Variants in CD101 observed in about 807,000 individuals in gnomAD.
CD101 encodes CD101 molecule.
Under a neutral mutation model 98.2 loss-of-function variants are expected in CD101, and 76 were observed. The observed-to-expected ratio is 0.77, with a 90% CI of 0.64 to 0.94. CD101 has a LOEUF of 0.94. Ranked by LOEUF, CD101 falls within the 40% of genes least tolerant of loss-of-function variation. The probability of loss-of-function intolerance (pLI) is 0.00; values close to 1 mark genes in which losing one functional copy is unlikely to be tolerated. For synonymous variants in CD101, 471 were observed against 472.7 expected (o/e 1.00, Z 0.05); for missense variants, 1,145 against 1,218.8 (o/e 0.94, Z 0.90).
chr1:117,026,056 GTC>G, intron 8 of CD101, 152 bp downstream of exon 8: 1 of 769,338 alleles, frequency 1.3e-6, no homozygotes, highest in Non-Finnish European at 2.0e-6. Context: ...TGACTTTGCT[GTC>G]TCTCTCAATA....
At position 117,004,838 on chromosome 1, in the gene CD101, C is replaced by T. The variant is rs966179925; in HGVS notation, c.43+2978C>T. ...AAGTAGTATGTCTTAGACTGTTTGG[C>T]GTGTTGTAGCAAAAGTACCATAAAC... On this transcript the variant is annotated intron_variant, in intron 1 of 9. Coordinates refer to ENST00000682167, the MANE Select transcript of CD101 (RefSeq NM_001256106.3). The surrounding 1 kb of genome is among the most constrained non-coding windows in gnomAD (Gnocchi z 4.1). Among the ~76,000 whole-genome samples, 3 of 130,172 alleles carry T rather than the reference C, an allele frequency of 2.3e-5. No individual in the cohort carries two copies. The highest frequency in any genetic ancestry group is 4.7e-5 in the Non-Finnish European group (3 of 63,552). The allele number at this position is 130,172 out of a possible 152,430, so 85.4% of individuals were successfully genotyped here. A position where few individuals can be genotyped will look rare whatever the true frequency, so the allele number is the denominator to read the frequency against.
intron 8 of CD101, among the ~76,000 whole-genome samples, chr1:117,031,396 A>C (rs921671128): frequency 1.3e-5 from 2 of 152,164 alleles, no homozygotes; most frequent in African/African-American, 4.8e-5. Flanking sequence ...GGTGCTGTGG[A>C]CTCTAACCTC....
chr1:117,008,026 G>GC (rs1471689054), intron 1 of CD101, among the ~76,000 whole-genome samples: 1 of 152,102 alleles, frequency 6.6e-6, no homozygotes, highest in Non-Finnish European at 1.5e-5. Context: ...GTCTTAAACT[G>GC]CCACTGTAGT....
rs140567712 is a variant in CD101 at position 117,010,015 on chromosome 1, T to A, written c.209T>A (p.Val70Asp). 1.1e-5 allele frequency: 18 copies of A among 1,614,190 alleles called. No homozygotes were observed. In the African/African-American group the frequency reaches 2.4e-4, roughly 22 times the overall value. The change falls in exon 2 of 10, where the codon GTC (valine) becomes GAC (aspartate). Residue 70 changes from valine to aspartate, a missense_variant. Coordinates refer to ENST00000682167, the MANE Select transcript of CD101 (RefSeq NM_001256106.3). The surrounding 1 kb of genome is among the most constrained non-coding windows in gnomAD (Gnocchi z 5.2). ...CTGCCGACAAACCCGACCCAGGAAG[T>A]CCAGATCATTAGCACCAAGGATGCT... ...VYLPTNPTQEVQIISTKDAAF... is the reference protein window; with the variant it reads ...VYLPTNPTQEDQIISTKDAAF...
intron 1 of CD101, among the ~76,000 whole-genome samples, chr1:117,007,041 G>C (rs1421115827): frequency 6.6e-6 from 1 of 152,110 alleles, no homozygotes; most frequent in East Asian, 1.9e-4. Flanking sequence ...ATTGTTTGTA[G>C]AAACATGCCT....
At chr1:117,034,626 A>G (rs563094935) in intron 9 of CD101, among the ~76,000 whole-genome samples, 1 of 152,292 alleles carries the variant, frequency 6.6e-6, no homozygotes, top group African/African-American at 2.4e-5. Context: ...CAGAAATTCA[A>G]TTTTCTTCTC....
rs1653654870 is a variant in CD101 at position 117,022,605 on chromosome 1, A to T, written c.2428+622A>T. ...TCTCAGCATAGGTTAGGTCACTTCC[A>T]GTGTTGATTAAAATTAAATGAATGT... On this transcript the variant is annotated intron_variant, in intron 7 of 9. Coordinates refer to ENST00000682167, the MANE Select transcript of CD101 (RefSeq NM_001256106.3). The surrounding 1 kb of genome is among the most constrained non-coding windows in gnomAD (Gnocchi z 4.8). Among the ~76,000 whole-genome samples the T allele has an allele frequency of 6.6e-6, 1 of 152,168 alleles. No homozygotes were observed. The highest frequency in any genetic ancestry group is 1.5e-5 in the Non-Finnish European group (1 of 68,032).
rs2274254 is a variant in CD101 at position 117,025,578 on chromosome 1, G to A, written c.2498G>A (p.Arg833His). ...NVTEHREVAI[R>H]CSLESVGSSA... ...ACTGAGCACAGAGAAGTGGCCATCC[G>A]CTGCAGCCTGGAGAGTGTAGGCAGC... The change falls in exon 8 of 10, where the codon CGC becomes CAC. Residue 833 changes from arginine (R) to histidine (H), a missense_variant. Physicochemically the swap from Arg to His is conservative, Grantham distance 29. Transcript: ENST00000682167. 2.7e-3 allele frequency: 4,356 copies of A among 1,612,792 alleles called. 147 individuals carry two copies. The East Asian group carries it at 0.083, about 31-fold the overall frequency.
intron 8 of CD101, among the ~76,000 whole-genome samples, chr1:117,031,225 G>A (rs746197196): frequency 6.6e-6 from 1 of 152,150 alleles, no homozygotes; most frequent in Non-Finnish European, 1.5e-5. Context: ...TCCTTTGATG[G>A]CAGATTGCAC....
In CD101 at chr1:117,019,914, C is replaced by G. The variant is rs893063524; in HGVS notation, c.2017+1354C>G. Among the ~76,000 whole-genome samples, 1 of 152,156 alleles carries G rather than the reference C, an allele frequency of 6.6e-6. No homozygotes were observed. Among genetic ancestry groups the G allele is most frequent in the Non-Finnish European group, 1.5e-5 (1 of 68,024 alleles). On this transcript the variant is annotated intron_variant, in intron 6 of 9. Transcript: ENST00000682167. The surrounding 1 kb of genome is among the most constrained non-coding windows in gnomAD (Gnocchi z 4.3). The stretch of plus-strand genomic sequence containing the variant: ...ACTCCCACAGTGTGACATGCAAGGT[C>G]CTTTATCATCTGGTACATTTGTGTC...
At chr1:117,029,128 T>A (rs1654151705) in intron 8 of CD101, among the ~76,000 whole-genome samples, 2 of 23,972 alleles carry the variant, frequency 8.3e-5, no homozygotes, top group Non-Finnish European at 2.0e-4. Context: ...CAGTCCAACA[T>A]CAGAAAGAAA....
At chr1:117,029,195 G>GAAAGA (rs879785500) in intron 8 of CD101, among the ~76,000 whole-genome samples, 3 of 76,818 alleles carry the variant, frequency 3.9e-5, no homozygotes, top group East Asian at 6.4e-4. Flanking sequence ...AAGAAAGAAA[G>GAAAGA]AAAGAAAGAA....
In CD101 at chr1:117,020,594, A is replaced by ACAC. The variant is rs1653521396; in HGVS notation, c.2018-979_2018-978insCAC. The stretch of plus-strand genomic sequence containing the variant: ...TCACACTTGAGAAAGGTTTCTCAAG[A>ACAC]GTTATTTCAGCTGCACATTCTAAAT... On this transcript the variant is annotated intron_variant, in intron 6 of 9. Transcript: ENST00000682167. 2.0e-5 allele frequency among the ~76,000 whole-genome samples: 3 copies of ACAC among 152,324 alleles called. No individual in the cohort carries two copies. The East Asian group carries it at 5.8e-4, about 29-fold the overall frequency.
In CD101 at chr1:117,022,531, A is replaced by C. The variant is rs751198100; in HGVS notation, c.2428+548A>C. Among the ~76,000 whole-genome samples the C allele has an allele frequency of 3.9e-5, 6 of 152,126 alleles. No homozygotes were observed. The highest frequency in any genetic ancestry group is 8.8e-5 in the Non-Finnish European group (6 of 68,014). On this transcript the variant is annotated intron_variant, in intron 7 of 9. Coordinates refer to ENST00000682167, the MANE Select transcript of CD101 (RefSeq NM_001256106.3). This position sits in a 1 kb window ranked among gnomAD's most constrained non-coding sequence, Gnocchi z 4.8. ...TTTAAAAATGTAATGGAAGTTCCGC[A>C]CTGGTCTAAGAGTGCCACTGTCTAA... is the stretch of plus-strand genomic sequence containing the variant.
rs905046527 is a variant in CD101, at chr1:117,004,952, T to A, written c.43+3092T>A. On this transcript the variant is annotated intron_variant, in intron 1 of 9. Transcript: ENST00000682167. The surrounding 1 kb of genome is among the most constrained non-coding windows in gnomAD (Gnocchi z 4.1). Reference sequence around the variant, plus strand: ...TAAGATCAAGGCACTGGCAGTTTGGTGTCAGTGAGGGCCTGTTCCTCATAG... The same window carrying A: ...TAAGATCAAGGCACTGGCAGTTTGGAGTCAGTGAGGGCCTGTTCCTCATAG... 2.6e-5 allele frequency among the ~76,000 whole-genome samples: 4 copies of A among 152,184 alleles called. No homozygotes were observed. Among genetic ancestry groups the A allele is most frequent in the Admixed American group, 6.5e-5 (1 of 15,284 alleles).
Position 117,022,903 on chromosome 1 carries a change from C to A in CD101, c.2428+920C>A, listed in dbSNP as rs1012674058. 3.9e-5 allele frequency among the ~76,000 whole-genome samples: 6 copies of A among 152,182 alleles called. No individual in the cohort carries two copies. The highest frequency in any genetic ancestry group is 8.8e-5 in the Non-Finnish European group (6 of 68,032). On this transcript the variant is annotated intron_variant, in intron 7 of 9. Coordinates refer to ENST00000682167, the MANE Select transcript of CD101 (RefSeq NM_001256106.3). The surrounding 1 kb of genome is among the most constrained non-coding windows in gnomAD (Gnocchi z 4.8). ...TCTGGCTTCCCTTCTGTATGTTCTTCAAGCCCCTTCTTCTCCCTGCTAAAT... is the reference window on the plus strand; with the variant it reads ...TCTGGCTTCCCTTCTGTATGTTCTTAAAGCCCCTTCTTCTCCCTGCTAAAT...
chr1:117,029,233 GAAAGAAA>G (rs1202861596), intron 8 of CD101, among the ~76,000 whole-genome samples: 43 of 109,458 alleles, frequency 3.9e-4, no homozygotes, highest in Non-Finnish European at 7.2e-4. Context: ...AAGAAAGAAA[GAAAGAAA>G]GAAAGAAAGA....
At position 117,005,481 on chromosome 1, in the gene CD101, C is replaced by T. The variant is rs113551497; in HGVS notation, c.43+3621C>T. On this transcript the variant is annotated intron_variant, in intron 1 of 9. Transcript: ENST00000682167. The surrounding 1 kb of genome is among the most constrained non-coding windows in gnomAD (Gnocchi z 4.4). ...TCTCCTCTGCCTTCAGAGTCCCCAACCTCTTGGCAGCCTTTGGCAGTGCTG... is the reference window on the plus strand; with the variant it reads ...TCTCCTCTGCCTTCAGAGTCCCCAATCTCTTGGCAGCCTTTGGCAGTGCTG... Among the ~76,000 whole-genome samples, 2 of 152,202 alleles carry T rather than the reference C, an allele frequency of 1.3e-5. No individual in the cohort carries two copies. The highest frequency in any genetic ancestry group is 4.8e-5 in the African/African-American group (2 of 41,436).
In CD101 at chr1:117,006,484, T is replaced by C. The variant is rs1264686388; in HGVS notation, c.44-3366T>C. Among the ~76,000 whole-genome samples the C allele has an allele frequency of 1.3e-5, 2 of 152,160 alleles. No homozygotes were observed. Among genetic ancestry groups the C allele is most frequent in the African/African-American group, 2.4e-5 (1 of 41,434 alleles). On this transcript the variant is annotated intron_variant, in intron 1 of 9. Transcript: ENST00000682167. The surrounding 1 kb of genome is among the most constrained non-coding windows in gnomAD (Gnocchi z 4.4). Reference sequence around the variant, plus strand: ...GTCCTTTCTGCTCTGGACCCAAAAATTGCTGTCCAGTTTTACCTCTTTCTA... The same window carrying C: ...GTCCTTTCTGCTCTGGACCCAAAAACTGCTGTCCAGTTTTACCTCTTTCTA...
Sources: allele counts gnomAD v4.1 joint callset (sites outside exome capture counted in the v4.1 genomes callset), GRCh38; gene constraint gnomAD v4.1.1; non-coding constraint Gnocchi (gnomAD v3.1); transcripts MANE v1.5; gene names NCBI Gene and HGNC (gene_info 2026-07-23, HGNC 2026-07-21).